The following NFIC variants were observed in gnomAD, a reference collection of about 807,000 sequenced individuals.
NFIC encodes nuclear factor 1 C-type.
NFIC carries 12 observed loss-of-function variants against 54.4 expected under a neutral mutation model. The ratio of observed to expected loss-of-function variants is 0.22; its 90% CI spans 0.14 to 0.36. NFIC has a LOEUF of 0.36. NFIC is among the 10% of genes least tolerant of loss of function. NFIC has a pLI of 1.00. For missense variants in NFIC, 575 were observed against 718.2 expected (o/e 0.80, Z 2.28); for synonymous variants, 322 against 319.2 (o/e 1.01, Z -0.09).
At chr19:3,391,506 C>T (rs1242878568) in intron 2 of NFIC, among the ~76,000 whole-genome samples, 1 of 151,734 alleles carries the variant, frequency 6.6e-6, no homozygotes. Context: ...CAAAAATTAG[C>T]CAGTCGTAGG....
At chr19:3,378,876 G>A (rs1417085671) in intron 1 of NFIC, among the ~76,000 whole-genome samples, 2 of 152,056 alleles carry the variant, frequency 1.3e-5, no homozygotes, top group Non-Finnish European at 2.9e-5. Flanking sequence ...CTCCACCCGG[G>A]ATTTCTCCTC....
At chr19:3,417,180 T>C (rs144187157) in intron 2 of NFIC, among the ~76,000 whole-genome samples, 1,818 of 152,112 alleles carry the variant, frequency 0.012, 48 homozygotes, top group African/African-American at 0.041. Flanking sequence ...CCACCACGCC[T>C]GGCCTAATCC....
intron 1 of NFIC, among the ~76,000 whole-genome samples, chr19:3,361,401 C>T (rs908552494): frequency 6.6e-6 from 1 of 152,174 alleles, no homozygotes; most frequent in Non-Finnish European, 1.5e-5. Context: ...ACTGGTCCCG[C>T]AGTCCCGCCT....
rs561356420 is a variant in NFIC at position 3,469,201 on chromosome 19, G to C, written c.*6432G>C. 6.6e-6 allele frequency: 1 copy of C among 152,228 alleles called. No homozygotes were observed. The highest frequency in any genetic ancestry group is 1.5e-5 in the Non-Finnish European group (1 of 68,016). 9.4% of individuals were successfully genotyped at this position (152,228 alleles called of 1,614,324 possible). On this transcript the variant is annotated 3_prime_UTR_variant, in exon 11 of 11. Coordinates refer to ENST00000443272, the MANE Select transcript of NFIC (RefSeq NM_001245002.2). ...AAAAAAATGTATAAAAATTAAACAA[G>C]CTATGCTTCGACTCTTTCTGGCTGT...
chr19:3,397,965 T>C (rs1180413421), intron 2 of NFIC, among the ~76,000 whole-genome samples: 1 of 152,140 alleles, frequency 6.6e-6, no homozygotes, highest in African/African-American at 2.4e-5. Flanking sequence ...ATAAATCCCT[T>C]CATCTCTCTG....
rs1291887225 is a variant in NFIC, at chr19:3,458,218, C to A, written c.1509+1583C>A. ...CAGCGAGCAGACGTCCAGGACTCCT[C>A]GCTTTGGGATTTGGGCCCCCTATGG... is the stretch of plus-strand genomic sequence containing the variant. On this transcript the variant is annotated intron_variant, in intron 10 of 10. Coordinates refer to ENST00000443272, the MANE Select transcript of NFIC (RefSeq NM_001245002.2). The surrounding 1 kb of genome is among the most constrained non-coding windows in gnomAD (Gnocchi z 4.1). Among the ~76,000 whole-genome samples, 1 of 152,206 alleles carries A rather than the reference C, an allele frequency of 6.6e-6. No homozygotes were observed. Among genetic ancestry groups the A allele is most frequent in the African/African-American group, 2.4e-5 (1 of 41,454 alleles).
chr19:3,382,606 T>G (rs1408490857), intron 2 of NFIC, among the ~76,000 whole-genome samples: 3 of 143,980 alleles, frequency 2.1e-5, no homozygotes, highest in African/African-American at 5.3e-5. Context: ...GGGGGTGACA[T>G]GGTGCAAGGA....
At chr19:3,429,667 C>T (rs2145618243) in intron 3 of NFIC, among the ~76,000 whole-genome samples, 1 of 152,314 alleles carries the variant, frequency 6.6e-6, no homozygotes, top group Non-Finnish European at 1.5e-5. Context: ...GAGCTCCCTG[C>T]AGTCCGTGCT....
Position 3,388,195 on chromosome 19 carries a change from A to ATCTC in NFIC, c.562+5952_562+5953insTCTC, listed in dbSNP as rs199879817. Among the ~76,000 whole-genome samples the ATCTC allele has an allele frequency of 2.1e-3, 315 of 152,248 alleles. 1 individual carries two copies. Among genetic ancestry groups the ATCTC allele is most frequent in the African/African-American group, 7.3e-3 (304 of 41,550 alleles). ...CCGGGAAGCTCATAGCACGCCAGAG[A>ATCTC]GGCTGCCCCGGGTGCCCTGGAGAGG... On this transcript the variant is annotated intron_variant, in intron 2 of 10. Coordinates refer to ENST00000443272, the MANE Select transcript of NFIC (RefSeq NM_001245002.2).
intron 2 of NFIC, among the ~76,000 whole-genome samples, chr19:3,405,151 G>A (rs1034228509): frequency 2.0e-5 from 3 of 152,238 alleles, no homozygotes; most frequent in African/African-American, 7.2e-5. Flanking sequence ...GCGGCCCGGC[G>A]GCAGGGGAGA....
At position 3,458,161 on chromosome 19, in the gene NFIC, C is replaced by G. The variant is rs1318776609; in HGVS notation, c.1509+1526C>G. 6.6e-6 allele frequency among the ~76,000 whole-genome samples: 1 copy of G among 152,178 alleles called. No homozygotes were observed. Among genetic ancestry groups the G allele is most frequent in the Non-Finnish European group, 1.5e-5 (1 of 68,016 alleles). On this transcript the variant is annotated intron_variant, in intron 10 of 10. Transcript: ENST00000443272. This position sits in a 1 kb window ranked among gnomAD's most constrained non-coding sequence, Gnocchi z 4.1. ...GTACCCTGCCTTGCACCCATAGAGC[C>G]CCGGAGAGGGAGTAACTTGGTCAGG... is the stretch of plus-strand genomic sequence containing the variant.
In NFIC at chr19:3,467,786, T is replaced by TATATATATATATAA. The variant is rs1420093017; in HGVS notation, c.*5020_*5021insTATATATATAAATA. ...ATATATATATATATATATATATATA[T>TATATATATATATAA]ATAATTTTGGAATTTGTTTCTCATA... On this transcript the variant is annotated 3_prime_UTR_variant, in exon 11 of 11. Coordinates refer to ENST00000443272, the MANE Select transcript of NFIC (RefSeq NM_001245002.2). 1 of 138,812 alleles carries TATATATATATATAA rather than the reference T, an allele frequency of 7.2e-6. No individual in the cohort carries two copies. Among genetic ancestry groups the TATATATATATATAA allele is most frequent in the Non-Finnish European group, 1.5e-5 (1 of 65,386 alleles). The allele number at this position is 138,812 out of a possible 1,614,324, so 8.6% of individuals were successfully genotyped here.
Position 3,366,629 on chromosome 19 carries a change from C to CG in NFIC, c.-7dup. On this transcript the variant is annotated 5_prime_UTR_variant, in exon 1 of 11. Coordinates refer to ENST00000443272, the MANE Select transcript of NFIC (RefSeq NM_001245002.2). ...CCGGCCGGCCCTGCGCCTCCCGCCGCGCCCGGGATGTATTCGTCCCCGCTC... is the reference window on the plus strand; with the variant it reads ...CCGGCCGGCCCTGCGCCTCCCGCCGCGGCCCGGGATGTATTCGTCCCCGCTC... The CG allele has an allele frequency of 6.7e-7, 1 of 1,499,994 alleles. No homozygotes were observed. Among genetic ancestry groups the CG allele is most frequent in the Non-Finnish European group, 8.8e-7 (1 of 1,130,916 alleles). The allele number at this position is 1,499,994 out of a possible 1,614,324, so 92.9% of individuals were successfully genotyped here.
chr19:3,403,801 G>A (rs1568424765), intron 2 of NFIC, among the ~76,000 whole-genome samples: 2 of 152,074 alleles, frequency 1.3e-5, no homozygotes, highest in Non-Finnish European at 2.9e-5. Flanking sequence ...AGGGGAAGCC[G>A]GGAGGGGCCT....
upstream of NFIC, among the ~76,000 whole-genome samples, chr19:3,361,803 T>C (rs2080815289): frequency 1.3e-5 from 2 of 151,998 alleles, no homozygotes; most frequent in Admixed American, 1.3e-4. Context: ...TGTCCCCATT[T>C]TGGGTTCTGT....
At chr19:3,428,494 G>T (rs1396165180) in intron 3 of NFIC, among the ~76,000 whole-genome samples, 5 of 151,770 alleles carry the variant, frequency 3.3e-5, no homozygotes, top group African/African-American at 1.2e-4. Flanking sequence ...GAGAAAGCGA[G>T]TGGGTGAGGC....
At chr19:3,421,606 G>A (rs2081955238) in intron 2 of NFIC, among the ~76,000 whole-genome samples, 1 of 152,224 alleles carries the variant, frequency 6.6e-6, no homozygotes, top group East Asian at 1.9e-4. Context: ...AGGAAACTGA[G>A]GCACCGGGCC....
At chr19:3,404,195 T>G (rs1381294696) in intron 2 of NFIC, among the ~76,000 whole-genome samples, 2 of 140,560 alleles carry the variant, frequency 1.4e-5, no homozygotes, top group Admixed American at 1.5e-4. Flanking sequence ...GGGGTGGGGG[T>G]GTGGGGAGGC....
At chr19:3,371,921 T>TTCCG (rs1429988323) in intron 1 of NFIC, among the ~76,000 whole-genome samples, 2 of 133,650 alleles carry the variant, frequency 1.5e-5, no homozygotes, top group East Asian at 4.5e-4. Context: ...CCTTCCTTCC[T>TTCCG]TCCTTCCTTC....
Sources: allele counts gnomAD v4.1 joint callset (sites outside exome capture counted in the v4.1 genomes callset), GRCh38; gene constraint gnomAD v4.1.1; non-coding constraint Gnocchi (gnomAD v3.1); transcripts MANE v1.5; gene names NCBI Gene and HGNC (gene_info 2026-07-23, HGNC 2026-07-21).